Variants in MYO16 observed in about 807,000 individuals in gnomAD.
MYO16 encodes the protein unconventional myosin-XVI.
In MYO16, 94 loss-of-function variants were observed where a neutral mutation model predicts 205.3. The ratio of observed to expected loss-of-function variants is 0.46; its 90% CI spans 0.39 to 0.54. The LOEUF is 0.54. Among genes scored for constraint, MYO16 ranks in the 20% least tolerant of loss-of-function variants. The pLI, the probability that MYO16 is intolerant of heterozygous loss-of-function variation, is 0.00. For missense variants in MYO16, 2,315 were observed against 2,387.5 expected (o/e 0.97, Z 0.63); for synonymous variants, 988 against 954.0 (o/e 1.04, Z -0.66).
At chr13:109,007,989 A>G (rs1885456405) in intron 21 of MYO16, among the ~76,000 whole-genome samples, 1 of 152,116 alleles carries the variant, frequency 6.6e-6, no homozygotes, top group Non-Finnish European at 1.5e-5. Context: ...GAGCTCAAAT[A>G]TATTTTCCTT....
intron 10 of MYO16, among the ~76,000 whole-genome samples, chr13:108,851,705 T>C (rs551767846): frequency 2.0e-5 from 3 of 152,248 alleles, no homozygotes; most frequent in Non-Finnish European, 4.4e-5. Flanking sequence ...CCATTCCTCC[T>C]CCTCTTTGAC....
chr13:108,889,907 T>G (rs1880081592), intron 14 of MYO16, among the ~76,000 whole-genome samples: 1 of 152,012 alleles, frequency 6.6e-6, no homozygotes, highest in Non-Finnish European at 1.5e-5. Context: ...GTCTTTCTTT[T>G]TTATTTTCAC....
At chr13:108,771,620 C>T (rs1200770501) in intron 4 of MYO16, among the ~76,000 whole-genome samples, 3 of 152,062 alleles carry the variant, frequency 2.0e-5, no homozygotes, top group Non-Finnish European at 4.4e-5. Context: ...TTTTACTGCC[C>T]TAACAACCCT....
rs774158847 is a variant in MYO16, at chr13:108,820,354, TCTC to T, written c.888_890del (p.Leu297del). On this transcript the variant is annotated inframe_deletion, in exon 8 of 35. Transcript: ENST00000457511. ...TATTTCAGACAAATCTGGTGAAACT[TCTC>T]CTGATGCATCAGGCAAACCCACACC... 1 of 1,602,940 alleles carries T rather than the reference TCTC, an allele frequency of 6.2e-7. No individual in the cohort carries two copies. Among genetic ancestry groups the T allele is most frequent in the Middle Eastern group, 1.7e-4 (1 of 6,050 alleles).
chr13:108,729,886 A>G (rs1884467317), intron 4 of MYO16, among the ~76,000 whole-genome samples: 1 of 152,224 alleles, frequency 6.6e-6, no homozygotes, highest in South Asian at 2.1e-4. Flanking sequence ...GTGGTATCTC[A>G]CATGATACTC....
chr13:108,839,998 A>T (rs1244905655), intron 9 of MYO16, among the ~76,000 whole-genome samples: 2 of 152,200 alleles, frequency 1.3e-5, no homozygotes, highest in African/African-American at 4.8e-5. Flanking sequence ...TATGTGCATT[A>T]TGTTATTAAT....
chr13:108,681,134 C>T (rs926512552), intron 2 of MYO16, among the ~76,000 whole-genome samples: 1 of 152,226 alleles, frequency 6.6e-6, no homozygotes, highest in African/African-American at 2.4e-5. Flanking sequence ...TCCACACACC[C>T]ACTCTTGCTT....
chr13:108,750,968 A>G (rs923208513), intron 4 of MYO16, among the ~76,000 whole-genome samples: 1 of 152,198 alleles, frequency 6.6e-6, no homozygotes, highest in Non-Finnish European at 1.5e-5. Flanking sequence ...ATTAGAGTTG[A>G]CAATATCAGT....
the MYO16 span, among the ~76,000 whole-genome samples, chr13:108,502,554 A>C: frequency 0.01 from 1,573 of 152,008 alleles, 11 homozygotes; most frequent in Non-Finnish European, 0.016. Context: ...AAAATGTTGA[A>C]AACATTTTAA....
intron 21 of MYO16, among the ~76,000 whole-genome samples, chr13:108,993,839 T>C (rs1884918634): frequency 6.6e-6 from 1 of 152,134 alleles, no homozygotes; most frequent in South Asian, 2.1e-4. Flanking sequence ...CTGTCTGGCA[T>C]CAGTAGAGAT....
intron 12 of MYO16, among the ~76,000 whole-genome samples, chr13:108,873,886 T>C (rs1879197967): frequency 6.6e-6 from 1 of 152,240 alleles, no homozygotes; most frequent in Non-Finnish European, 1.5e-5. Flanking sequence ...ACATGTTACA[T>C]GTAGGGGAGA....
At chr13:108,888,613 G>A (rs1880014359) in intron 14 of MYO16, 136 bp downstream of exon 14, 2 of 485,442 alleles carry the variant, frequency 4.1e-6, no homozygotes, top group Admixed American at 4.1e-5. Flanking sequence ...AAAAATTATT[G>A]AGCTTGGGTT....
intron 31 of MYO16, among the ~76,000 whole-genome samples, chr13:109,136,434 A>G (rs1876781387): frequency 6.6e-6 from 1 of 152,136 alleles, no homozygotes; most frequent in Non-Finnish European, 1.5e-5. Flanking sequence ...CCATCTGAAG[A>G]GCCTGGCAGT....
intron 18 of MYO16, 125 bp downstream of exon 18, chr13:108,961,781 A>G (rs1883594062): frequency 8.6e-6 from 6 of 701,750 alleles, no homozygotes; most frequent in Non-Finnish European, 5.0e-6. Context: ...AGTAGAATTC[A>G]GTGAGGGGGG....
In MYO16 at chr13:108,964,801, G is replaced by A. The variant is rs1357833786; in HGVS notation, c.2268G>A (p.Glu756=). The A allele has an allele frequency of 2.5e-6, 4 of 1,614,114 alleles. No homozygotes were observed. Among genetic ancestry groups the A allele is most frequent in the Non-Finnish European group, 2.5e-6 (3 of 1,180,020 alleles). The part of the protein sequence containing the change: ...IIRRHTIQIA[E]FFRDLLAKSL... ...GACGACATACCATACAGATTGCTGA[G>A]TTTTTCCGAGACCTCTTGGCCAAGT... The change falls in exon 20 of 35, where the codon GAG becomes GAA. Residue 756 remains glutamate (E), a synonymous_variant. Coordinates refer to ENST00000457511, the MANE Select transcript of MYO16 (RefSeq NM_001198950.3).
At chr13:108,741,746 A>G (rs975272707) in intron 4 of MYO16, among the ~76,000 whole-genome samples, 1 of 152,202 alleles carries the variant, frequency 6.6e-6, no homozygotes, top group Non-Finnish European at 1.5e-5. Context: ...AAACAAAACT[A>G]TTGACACTTT....
At chr13:108,623,672 T>A (rs1305034529) in intron 1 of MYO16, among the ~76,000 whole-genome samples, 1 of 152,182 alleles carries the variant, frequency 6.6e-6, no homozygotes, top group Non-Finnish European at 1.5e-5. Flanking sequence ...AGACATTATA[T>A]GTCATGCACC....
intron 16 of MYO16, among the ~76,000 whole-genome samples, chr13:108,916,693 T>C (rs1594393461): frequency 6.6e-6 from 1 of 152,172 alleles, no homozygotes; most frequent in African/African-American, 2.4e-5. Context: ...AGACTACCTG[T>C]GTAAGTTAGC....
At chr13:108,863,588 G>T (rs1176140862) in intron 11 of MYO16, among the ~76,000 whole-genome samples, 1 of 152,022 alleles carries the variant, frequency 6.6e-6, no homozygotes, top group African/African-American at 2.4e-5. Flanking sequence ...GATTCAATTT[G>T]TTAATATTTT....
Sources: allele counts gnomAD v4.1 joint callset (sites outside exome capture counted in the v4.1 genomes callset), GRCh38; gene constraint gnomAD v4.1.1; transcripts MANE v1.5; gene names NCBI Gene and HGNC (gene_info 2026-07-23, HGNC 2026-07-21).